The following MALRD1 variants were observed in gnomAD, a reference collection of about 807,000 sequenced individuals.
MALRD1 encodes MAM and LDL-receptor class A domain-containing protein 1.
Under a neutral mutation model 242.1 loss-of-function variants are expected in MALRD1, and 247 were observed. That is an observed-to-expected ratio of 1.02 (90% confidence interval 0.92 to 1.13). The LOEUF is 1.13. Among genes scored for constraint, MALRD1 ranks in the 50% most tolerant of loss-of-function variants. MALRD1 has a pLI of 0.00. For synonymous variants in MALRD1, 995 were observed against 866.6 expected (o/e 1.15, Z -2.60); for missense variants, 2,989 against 2,533.1 (o/e 1.18, Z -3.86).
chr10:19,328,826 C>T (rs192806737), intron 23 of MALRD1, among the ~76,000 whole-genome samples: 28 of 152,194 alleles, frequency 1.8e-4, no homozygotes, highest in South Asian at 1.7e-3. Context: ...CATAGCCTTG[C>T]GCAACATGAA....
chr10:19,311,998 C>T (rs75061536), intron 21 of MALRD1, among the ~76,000 whole-genome samples: 2,968 of 151,458 alleles, frequency 0.02, 54 homozygotes, highest in African/African-American at 0.037. Flanking sequence ...TTAGATTGGC[C>T]TTTCCATCAC....
intron 4 of MALRD1, among the ~76,000 whole-genome samples, chr10:19,097,666 C>T (rs753663270): frequency 3.9e-5 from 6 of 152,262 alleles, no homozygotes; most frequent in Non-Finnish European, 4.4e-5. Context: ...TTCTGTGTTG[C>T]ATTTCCAGAA....
chr10:19,455,245 T>C (rs915731621), intron 29 of MALRD1, among the ~76,000 whole-genome samples: 1 of 152,174 alleles, frequency 6.6e-6, no homozygotes, highest in Non-Finnish European at 1.5e-5. Flanking sequence ...CAATTCATAT[T>C]GTAAAGAAAG....
In MALRD1 at chr10:19,203,772, G is replaced by C; in HGVS notation, c.1996G>C (p.Ala666Pro). Residue 666 changes from alanine to proline, a missense_variant, in exon 15 of 40, where the codon GCA becomes CCA. Coordinates refer to ENST00000454679, the MANE Select transcript of MALRD1 (RefSeq NM_001142308.3). ...AGCAAACAGCTGTGATTGGTTTGAA[G>C]CAATTAGTGGTGACCATTTTGACTG... is the stretch of plus-strand genomic sequence containing the variant. ...FEANSCDWFE[A>P]ISGDHFDWIR... The C allele has an allele frequency of 6.5e-7, 1 of 1,549,934 alleles. No individual in the cohort carries two copies. The highest frequency in any genetic ancestry group is 1.2e-5 in the South Asian group (1 of 84,018).
intron 23 of MALRD1, among the ~76,000 whole-genome samples, chr10:19,327,874 G>T (rs941714755): frequency 6.6e-6 from 1 of 152,064 alleles, no homozygotes; most frequent in Non-Finnish European, 1.5e-5. Flanking sequence ...TTTCTTCCAA[G>T]TAGATATTCG....
At chr10:19,421,543 T>A (rs1833719524) in intron 28 of MALRD1, among the ~76,000 whole-genome samples, 2 of 152,194 alleles carry the variant, frequency 1.3e-5, no homozygotes, top group African/African-American at 4.8e-5. Flanking sequence ...ATGCCCCAGT[T>A]AGAGAATGTT....
At chr10:19,325,147 G>T (rs1843071286) in intron 22 of MALRD1, among the ~76,000 whole-genome samples, 1 of 148,182 alleles carries the variant, frequency 6.7e-6, no homozygotes, top group South Asian at 2.1e-4. Context: ...CTATTTGTTT[G>T]CTCATTTACT....
chr10:19,136,234 CAA>C (rs1564415244), intron 9 of MALRD1, among the ~76,000 whole-genome samples: 2 of 151,924 alleles, frequency 1.3e-5, no homozygotes, highest in Non-Finnish European at 2.9e-5. Flanking sequence ...GACCAAGTAA[CAA>C]GTTTGCAGTC....
intron 14 of MALRD1, 147 bp from the exon 15 acceptor site, chr10:19,203,581 A>G (rs776753531): frequency 4.4e-5 from 33 of 744,728 alleles, no homozygotes; most frequent in Non-Finnish European, 6.2e-5. Context: ...ATGAGAAAGG[A>G]TCTTTTTTAT....
intron 24 of MALRD1, among the ~76,000 whole-genome samples, chr10:19,344,572 A>C (rs1297590940): frequency 1.3e-5 from 2 of 152,002 alleles, no homozygotes; most frequent in Non-Finnish European, 2.9e-5. Flanking sequence ...TCTTGAAATC[A>C]GTTAGATTAA....
At chr10:19,320,807 T>C (rs1163007899) in intron 21 of MALRD1, among the ~76,000 whole-genome samples, 2 of 152,196 alleles carry the variant, frequency 1.3e-5, no homozygotes, top group African/African-American at 4.8e-5. Flanking sequence ...GGTTTTGATT[T>C]GCATTTCGCT....
chr10:19,291,647 G>A (rs538483966), intron 21 of MALRD1, among the ~76,000 whole-genome samples: 48 of 151,930 alleles, frequency 3.2e-4, no homozygotes, highest in Admixed American at 5.9e-4. Flanking sequence ...GCAAGAAGTG[G>A]GGAAGATATT....
At chr10:19,048,299 T>C (rs916906070), upstream of MALRD1, among the ~76,000 whole-genome samples, 1 of 152,214 alleles carries the variant, frequency 6.6e-6, no homozygotes, top group Non-Finnish European at 1.5e-5. Flanking sequence ...TCCCCTCAAC[T>C]TTTAAAAATC....
intron 29 of MALRD1, among the ~76,000 whole-genome samples, chr10:19,463,582 G>A (rs33985634): frequency 0.52 from 58,302 of 111,214 alleles, 11,491 homozygotes; most frequent in East Asian, 0.67. Flanking sequence ...GTGTGTGTGT[G>A]TGTGTGTGTA....
At chr10:19,361,402 C>T (rs1844891198) in intron 26 of MALRD1, among the ~76,000 whole-genome samples, 1 of 152,082 alleles carries the variant, frequency 6.6e-6, no homozygotes, top group South Asian at 2.1e-4. Flanking sequence ...GGTTCCCATC[C>T]CCCAGACACT....
At chr10:19,457,042 G>T (rs1835697199) in intron 29 of MALRD1, among the ~76,000 whole-genome samples, 1 of 152,092 alleles carries the variant, frequency 6.6e-6, no homozygotes, top group Non-Finnish European at 1.5e-5. Flanking sequence ...ATTCTTCATG[G>T]TAACTACTCA....
At chr10:19,332,178 T>TG (rs1325669768) in intron 24 of MALRD1, among the ~76,000 whole-genome samples, 11 of 147,730 alleles carry the variant, frequency 7.4e-5, no homozygotes, top group South Asian at 6.4e-4. Context: ...ATAAATGTTG[T>TG]TTTTTTTTTT....
chr10:19,113,414 G>A (rs990463504), intron 5 of MALRD1, among the ~76,000 whole-genome samples: 2 of 151,828 alleles, frequency 1.3e-5, no homozygotes, highest in Non-Finnish European at 1.5e-5. Flanking sequence ...TCCTCTGCCC[G>A]AAAGCCTCAT....
Position 19,450,411 on chromosome 10 carries a change from C to T in MALRD1, c.4950C>T (p.Val1650=). The change falls in exon 29 of 40, where the codon GTC becomes GTT. Residue 1650 remains valine, a synonymous_variant. Transcript: ENST00000454679. ...TAGGAAAGTTAAGGAATTTTGAAGTCATATTTCAAGGTATCAGAACAAGGG... is the reference window on the plus strand; with the variant it reads ...TAGGAAAGTTAAGGAATTTTGAAGTTATATTTCAAGGTATCAGAACAAGGG... The part of the protein sequence containing the change: ...ILLGKLRNFE[V]IFQGIRTRDL... The T allele has an allele frequency of 6.4e-7, 1 of 1,550,418 alleles. No homozygotes were observed. Among genetic ancestry groups the T allele is most frequent in the Non-Finnish European group, 8.7e-7 (1 of 1,146,922 alleles).
Sources: allele counts gnomAD v4.1 joint callset (sites outside exome capture counted in the v4.1 genomes callset), GRCh38; gene constraint gnomAD v4.1.1; transcripts MANE v1.5; gene names NCBI Gene and HGNC (gene_info 2026-07-23, HGNC 2026-07-21).